The following ADK variants were observed in gnomAD, a reference collection of about 807,000 sequenced individuals.
ADK encodes the protein N6,N6-dimethyladenosine kinase.
ADK carries 24 observed loss-of-function variants against 44.7 expected under a neutral mutation model. That is an observed-to-expected ratio of 0.54 (90% CI 0.39 to 0.76). The LOEUF is 0.76. Among genes scored for constraint, ADK ranks in the 30% least tolerant of loss-of-function variants. The pLI, the probability that ADK is intolerant of heterozygous loss-of-function variation, is 0.00. For missense variants in ADK, 321 were observed against 425.1 expected, an observed-to-expected ratio of 0.76 and a Z score of 2.15; for synonymous variants, 128 against 142.6, an observed-to-expected ratio of 0.90 and a Z score of 0.73.
intron 4 of ADK, among the ~76,000 whole-genome samples, chr10:74,392,353 A>G (rs1242401272): frequency 6.6e-6 from 1 of 152,162 alleles, no homozygotes; most frequent in African/African-American, 2.4e-5. Context: ...GGTAGTAACC[A>G]TCCTGATCAG....
chr10:74,354,805 A>G (rs1276914221), intron 4 of ADK, among the ~76,000 whole-genome samples: 1 of 152,242 alleles, frequency 6.6e-6, no homozygotes, highest in African/African-American at 2.4e-5. Flanking sequence ...TGTATTATCT[A>G]TCTTAAAAAA....
At chr10:74,160,725 G>GTGTGTGTGTGTA (rs753375980) in intron 1 of ADK, among the ~76,000 whole-genome samples, 236 of 150,954 alleles carry the variant, frequency 1.6e-3, no homozygotes, top group African/African-American at 4.9e-3. Flanking sequence ...GTGTATGTGT[G>GTGTGTGTGTGTA]TGTGTAGGTA....
chr10:74,521,394 C>T (rs1353080339), intron 6 of ADK, among the ~76,000 whole-genome samples: 1 of 152,114 alleles, frequency 6.6e-6, no homozygotes, highest in East Asian at 1.9e-4. Flanking sequence ...AGCATACATA[C>T]ATTTGGATTG....
chr10:74,610,522 G>T (rs1852500908), intron 9 of ADK, among the ~76,000 whole-genome samples: 1 of 152,088 alleles, frequency 6.6e-6, no homozygotes, highest in Admixed American at 6.6e-5. Flanking sequence ...AATGTACAAT[G>T]GCACTGAGCT....
chr10:74,544,821 C>A (rs1398540689), intron 7 of ADK, among the ~76,000 whole-genome samples: 3 of 151,932 alleles, frequency 2.0e-5, no homozygotes, highest in Non-Finnish European at 4.4e-5. Context: ...GAGATGGTAC[C>A]ACTGCACTCC....
At chr10:74,521,155 A>G (rs2133593531) in intron 6 of ADK, among the ~76,000 whole-genome samples, 1 of 152,296 alleles carries the variant, frequency 6.6e-6, no homozygotes, top group East Asian at 1.9e-4. Context: ...GATGGCATCA[A>G]TTTTAACAGT....
At chr10:74,542,815 A>C (rs894248877) in intron 7 of ADK, among the ~76,000 whole-genome samples, 8 of 152,096 alleles carry the variant, frequency 5.3e-5, no homozygotes. Flanking sequence ...GCTTTTTTTC[A>C]ATCAAGTGCA....
At chr10:74,650,417 A>T (rs1463770106) in intron 9 of ADK, among the ~76,000 whole-genome samples, 1 of 152,144 alleles carries the variant, frequency 6.6e-6, no homozygotes, top group Non-Finnish European at 1.5e-5. Context: ...TGTCTCAAAA[A>T]AAGTAATAAT....
intron 3 of ADK, among the ~76,000 whole-genome samples, chr10:74,232,660 C>G (rs1844815806): frequency 6.6e-6 from 1 of 151,082 alleles, no homozygotes; most frequent in Non-Finnish European, 1.5e-5. Flanking sequence ...GAGTCTTGCT[C>G]TGTCACCCAG....
chr10:74,281,573 A>T (rs1261913591), intron 3 of ADK, among the ~76,000 whole-genome samples: 2 of 152,238 alleles, frequency 1.3e-5, no homozygotes, highest in Non-Finnish European at 2.9e-5. Flanking sequence ...TTGATGAGGC[A>T]TCATAAATTA....
chr10:74,274,732 G>GTGTGTATATATATATATATATATATA lies in ADK; in HGVS notation c.195-39934_195-39933insGTGTATATATATATATATATATATAT, dbSNP rs1554836801. On this transcript the variant is annotated intron_variant, in intron 3 of 10. Transcript: ENST00000539909. ...TAGTAGGAGAAAAATTTTAATGTGT[G>GTGTGTATATATATATATATATATATA]TATATATATATATATACACACACAC... 5.1e-4 allele frequency among the ~76,000 whole-genome samples: 43 copies of GTGTGTATATATATATATATATATATA among 84,188 alleles called. 1 individual carries two copies. The highest frequency in any genetic ancestry group is 8.2e-4 in the East Asian group (3 of 3,652). The allele number at this position is 84,188 out of a possible 152,430, so 55.2% of individuals were successfully genotyped here. A position where few individuals can be genotyped will look rare whatever the true frequency, so the allele number is the denominator to read the frequency against.
At chr10:74,294,289 T>A (rs1839732750) in intron 3 of ADK, among the ~76,000 whole-genome samples, 1 of 145,414 alleles carries the variant, frequency 6.9e-6, no homozygotes, top group Non-Finnish European at 1.5e-5. Flanking sequence ...CTTTTCTTTC[T>A]TTTTTTTTTT....
At chr10:74,576,342 T>C (rs922507606) in intron 7 of ADK, among the ~76,000 whole-genome samples, 1 of 152,090 alleles carries the variant, frequency 6.6e-6, no homozygotes, top group African/African-American at 2.4e-5. Flanking sequence ...TTAAATATGC[T>C]AGAGTGCATG....
At chr10:74,589,820 C>T (rs559574126) in intron 8 of ADK, among the ~76,000 whole-genome samples, 2 of 152,208 alleles carry the variant, frequency 1.3e-5, no homozygotes, top group South Asian at 4.1e-4. Flanking sequence ...TAATTTAAAT[C>T]CTGCTTTTAT....
At chr10:74,534,570 G>T (rs138487979) in intron 7 of ADK, among the ~76,000 whole-genome samples, 1 of 152,044 alleles carries the variant, frequency 6.6e-6, no homozygotes, top group African/African-American at 2.4e-5. Context: ...AGTTAAAAAG[G>T]GTATTCACAA....
At chr10:74,426,136 A>G (rs191970539) in intron 6 of ADK, among the ~76,000 whole-genome samples, 7 of 152,298 alleles carry the variant, frequency 4.6e-5, no homozygotes, top group Non-Finnish European at 7.4e-5. Context: ...CATTATATCT[A>G]CTATTTCAGT....
intron 4 of ADK, among the ~76,000 whole-genome samples, chr10:74,352,773 AC>A (rs1287604260): frequency 6.6e-6 from 1 of 152,252 alleles, no homozygotes; most frequent in Non-Finnish European, 1.5e-5. Context: ...ATGAATGGAC[AC>A]TTCTCAAAAG....
At chr10:74,172,420 G>T (rs1345122747) in intron 1 of ADK, among the ~76,000 whole-genome samples, 1 of 152,094 alleles carries the variant, frequency 6.6e-6, no homozygotes, top group Non-Finnish European at 1.5e-5. Flanking sequence ...GCTGGGCGCG[G>T]TGGCTCACCT....
At chr10:74,485,169 A>G (rs2133368185) in intron 6 of ADK, among the ~76,000 whole-genome samples, 1 of 152,340 alleles carries the variant, frequency 6.6e-6, no homozygotes, top group East Asian at 1.9e-4. Flanking sequence ...TATATTTTCA[A>G]AATTTTAGTA....
Sources: gnomAD v4.1 joint callset for allele counts (sites outside exome capture counted in the v4.1 genomes callset) on GRCh38, gnomAD v4.1.1 for gene constraint, MANE v1.5 for transcripts, NCBI Gene and HGNC (gene_info 2026-07-23, HGNC 2026-07-21) for gene names.